GOLGA2: variants seen among roughly 807,000 people sequenced by gnomAD.
GOLGA2 encodes the protein golgin A2.
GOLGA2 carries 49 observed loss-of-function variants against 148.8 expected under a neutral mutation model. The ratio of observed to expected loss-of-function variants is 0.33; its 90% confidence interval spans 0.26 to 0.42. The LOEUF (loss-of-function observed/expected upper bound fraction) is 0.42, where lower values mean the gene tolerates loss of function less well. GOLGA2 is among the 10% of genes least tolerant of loss of function. The pLI is 1.00. For missense variants in GOLGA2, 1,178 were observed against 1,304.6 expected, an observed-to-expected ratio of 0.90 and a Z score of 1.49; for synonymous variants, 501 against 511.8, an observed-to-expected ratio of 0.98 and a Z score of 0.28.
Position 128,260,728 on chromosome 9 carries a change from G to A in GOLGA2, c.1495C>T (p.Leu499=), listed in dbSNP as rs780310243. ...GCCAGACCCTCCAGCTCCTTCCGCA[G>A]GTGCTCAGCCTCCGCTTGTAGCTGC... ...EQQLQAEAEH[L]RKELEGLAGQ... The change falls in exon 18 of 27, where the codon CTG becomes TTG. Residue 499 remains leucine (L), a synonymous_variant. Transcript: ENST00000611957. The surrounding 1 kb of genome is among the most constrained non-coding windows in gnomAD (Gnocchi z 4.8). 5 of 1,613,402 alleles carry A rather than the reference G, an allele frequency of 3.1e-6. No homozygotes were observed. The South Asian group carries it at 5.5e-5, about 18-fold the overall frequency.
At chr9:128,263,532 T>C (rs1427974667) in intron 12 of GOLGA2, among the ~76,000 whole-genome samples, 3 of 151,896 alleles carry the variant, frequency 2.0e-5, no homozygotes, top group Non-Finnish European at 4.4e-5. Context: ...ATTCTCCTGC[T>C]TCAGCCTCCT....
rs759403518 is a variant in GOLGA2, at chr9:128,268,011, C to T, written c.438-14G>A. 6.2e-7 allele frequency: 1 copy of T among 1,613,198 alleles called. No homozygotes were observed. The highest frequency in any genetic ancestry group is 8.5e-7 in the Non-Finnish European group (1 of 1,179,196). On this transcript the variant is annotated splice_polypyrimidine_tract_variant and intron_variant, in intron 5 of 26. Coordinates refer to ENST00000611957, the MANE Select transcript of GOLGA2 (RefSeq NM_001366244.2). ...GATGAGAAAGTCCTAGGGATGGAGACACAGGGGTCAGGGGTGCAGGTGGCT... is the reference window on the plus strand; with the variant it reads ...GATGAGAAAGTCCTAGGGATGGAGATACAGGGGTCAGGGGTGCAGGTGGCT...
In GOLGA2 at chr9:128,266,724, C is replaced by T. The variant is rs1434782751; in HGVS notation, c.643-399G>A. 2.8e-6 allele frequency: 1 copy of T among 358,894 alleles called. No individual in the cohort carries two copies. 22.2% of individuals were successfully genotyped at this position (358,894 alleles called of 1,614,324 possible). On this transcript the variant is annotated intron_variant, in intron 8 of 26. Coordinates refer to ENST00000611957, the MANE Select transcript of GOLGA2 (RefSeq NM_001366244.2). This position sits in a 1 kb window ranked among gnomAD's most constrained non-coding sequence, Gnocchi z 4.2. ...CCAGACAGAAAAAGACAGACAGGAG[C>T]CCTTGGCCCTGAGGTTTACATTCTA...
Position 128,257,888 on chromosome 9 carries a change from C to A in GOLGA2, c.2513G>T (p.Arg838Leu). 1 of 1,613,866 alleles carries A rather than the reference C, an allele frequency of 6.2e-7. No homozygotes were observed. Among genetic ancestry groups the A allele is most frequent in the Middle Eastern group, 1.6e-4 (1 of 6,062 alleles). Residue 838 changes from arginine (R) to leucine (L), a missense_variant, in exon 24 of 27, where the codon CGC (arginine) becomes CTC (leucine). Physicochemically the swap from Arg to Leu is moderately radical, Grantham distance 102. Coordinates refer to ENST00000611957, the MANE Select transcript of GOLGA2 (RefSeq NM_001366244.2). The surrounding 1 kb of genome is among the most constrained non-coding windows in gnomAD (Gnocchi z 8.0). ...CTTCTCCTGCATGAGCTCCATAAAG[C>A]GGCTCTGGAACCAAAATAATGGAGT... ...LQGAMEKLQS[R>L]FMELMQEKAD...
rs1830367728 is a variant in GOLGA2 at position 128,263,007 on chromosome 9, C to T, written c.992+27G>A. ...CCACCCATGCTGAGGGCCCCCAGACCTCCCATCCCACCATCCCCCATCCTA... is the reference window on the plus strand; with the variant it reads ...CCACCCATGCTGAGGGCCCCCAGACTTCCCATCCCACCATCCCCCATCCTA... On this transcript the variant is annotated intron_variant, in intron 13 of 26. Coordinates refer to ENST00000611957, the MANE Select transcript of GOLGA2 (RefSeq NM_001366244.2). 3.9e-6 allele frequency: 6 copies of T among 1,553,544 alleles called. No homozygotes were observed. The African/African-American group carries it at 5.4e-5, about 14-fold the overall frequency.
At position 128,257,848 on chromosome 9, in the gene GOLGA2, C is replaced by T. The variant is rs1829984904; in HGVS notation, c.2553G>A (p.Glu851=). Residue 851 remains glutamate (E), a synonymous_variant, in exon 24 of 27, where the codon GAG becomes GAA. Transcript: ENST00000611957. This position sits in a 1 kb window ranked among gnomAD's most constrained non-coding sequence, Gnocchi z 8.0. ...AGCGATGTTCCAGTTCCTCTACCCT[C>T]TCCTTCAGGTCTGCCTTCTCCTGCA... ...ELMQEKADLK[E]RVEELEHRCI... The T allele has an allele frequency of 3.1e-6, 5 of 1,614,206 alleles. No individual in the cohort carries two copies. Among genetic ancestry groups the T allele is most frequent in the Non-Finnish European group, 8.5e-7 (1 of 1,180,026 alleles).
intron 3 of GOLGA2, among the ~76,000 whole-genome samples, chr9:128,269,554 A>G (rs565067060): frequency 2.5e-4 from 38 of 152,108 alleles, no homozygotes; most frequent in Non-Finnish European, 4.6e-4. Flanking sequence ...CTTGCCCCCA[A>G]CTGGACCTAC....
At chr9:128,273,519 G>A (rs2131392235) in intron 2 of GOLGA2, 1 of 462,864 alleles carries the variant, frequency 2.2e-6, no homozygotes, top group African/African-American at 2.0e-5. Flanking sequence ...TGAGACTGGA[G>A]ATGAGGAAAA....
intron 12 of GOLGA2, 56 bp from the exon 13 acceptor site, chr9:128,263,148 A>G: frequency 1.0e-6 from 1 of 984,632 alleles, no homozygotes; most frequent in Non-Finnish European, 1.6e-6. Flanking sequence ...CAGCTGGCCA[A>G]CCAGTAACAA....
At position 128,258,201 on chromosome 9, in the gene GOLGA2, G is replaced by A. The variant is rs1380877795; in HGVS notation, c.2290-3C>T. 14 of 1,579,138 alleles carry A rather than the reference G, an allele frequency of 8.9e-6. No individual in the cohort carries two copies. Among genetic ancestry groups the A allele is most frequent in the Non-Finnish European group, 1.2e-5 (14 of 1,163,502 alleles). On this transcript the variant is annotated splice_polypyrimidine_tract_variant and splice_region_variant and intron_variant, in intron 22 of 26. Coordinates refer to ENST00000611957, the MANE Select transcript of GOLGA2 (RefSeq NM_001366244.2). This position sits in a 1 kb window ranked among gnomAD's most constrained non-coding sequence, Gnocchi z 6.6. ...ACAGCTGAGTTGAAAAATGCCACCT[G>A]CAGGCAAGAGGGGTGCATTCTTGTA...
Position 128,257,337 on chromosome 9 carries a change from G to A in GOLGA2, c.2875+32C>T, listed in dbSNP as rs763295640. ...GCCACGCGAGCCCTCCCTTACTCCT[G>A]CCTGCCCACCCCTCCCGAGGGCTCT... On this transcript the variant is annotated intron_variant, in intron 26 of 26. Coordinates refer to ENST00000611957, the MANE Select transcript of GOLGA2 (RefSeq NM_001366244.2). This position sits in a 1 kb window ranked among gnomAD's most constrained non-coding sequence, Gnocchi z 8.0. 17 of 1,612,794 alleles carry A rather than the reference G, an allele frequency of 1.1e-5. No homozygotes were observed. The highest frequency in any genetic ancestry group is 1.4e-5 in the Non-Finnish European group (16 of 1,179,856).
chr9:128,264,235 G>A (rs957110965), intron 12 of GOLGA2, among the ~76,000 whole-genome samples: 3 of 150,988 alleles, frequency 2.0e-5, no homozygotes, highest in African/African-American at 4.9e-5. Flanking sequence ...ACGTATGTAT[G>A]TATATATGTA....
intron 8 of GOLGA2, 22 bp downstream of exon 8, chr9:128,267,172 G>T (rs1267417371): frequency 2.1e-6 from 3 of 1,408,966 alleles, no homozygotes; most frequent in Non-Finnish European, 3.0e-6. Flanking sequence ...CATGGAATCA[G>T]GGGACCCCAC....
chr9:128,268,383 C>A, intron 4 of GOLGA2, 37 bp downstream of exon 4: 1 of 1,167,162 alleles, frequency 8.6e-7, no homozygotes, highest in Non-Finnish European at 1.3e-6. Flanking sequence ...ATAATAGGTA[C>A]AGGAGGGCAG....
chr9:128,261,310 C>T lies in GOLGA2; in HGVS notation c.1333-51G>A. ...CCCTGGAGAGGGGCTGGTGGCTGGA[C>T]AGGCTACCATCTCCCTCTGCCCCCA... On this transcript the variant is annotated intron_variant, in intron 16 of 26. Transcript: ENST00000611957. The surrounding 1 kb of genome is among the most constrained non-coding windows in gnomAD (Gnocchi z 5.7). The T allele has an allele frequency of 1.4e-6, 2 of 1,452,198 alleles. No homozygotes were observed. Among genetic ancestry groups the T allele is most frequent in the Non-Finnish European group, 1.9e-6 (2 of 1,033,240 alleles). The allele number at this position is 1,452,198 out of a possible 1,614,324, so 90.0% of individuals were successfully genotyped here.
intron 3 of GOLGA2, among the ~76,000 whole-genome samples, chr9:128,270,594 A>T (rs890979114): frequency 4.6e-5 from 7 of 152,096 alleles, no homozygotes; most frequent in Non-Finnish European, 8.8e-5. Context: ...TTCTCTCTCC[A>T]TTATTCCCTA....
At chr9:128,267,314 G>T (rs750349436) in intron 7 of GOLGA2, 40 bp from the exon 8 acceptor site, 16 of 1,474,410 alleles carry the variant, frequency 1.1e-5, no homozygotes, top group East Asian at 4.5e-5. Flanking sequence ...AGGAGGATTG[G>T]GGGGAGAGGT....
intron 7 of GOLGA2, 79 bp from the exon 8 acceptor site, chr9:128,267,353 T>G: frequency 3.8e-6 from 5 of 1,304,324 alleles, no homozygotes; most frequent in South Asian, 1.2e-5. Context: ...GGTTGGGGGG[T>G]GTGTGGGCTG....
In GOLGA2 at chr9:128,266,624, T is replaced by G. The variant is rs932171054; in HGVS notation, c.643-299A>C. 1.3e-5 allele frequency: 7 copies of G among 521,340 alleles called. No homozygotes were observed. The highest frequency in any genetic ancestry group is 2.4e-5 in the Non-Finnish European group (7 of 292,790). The allele number at this position is 521,340 out of a possible 1,614,324, so 32.3% of individuals were successfully genotyped here. ...AGCCCACCCTCTGCCAGTTTGTGAT[T>G]TAGAAAGGTGTAATCATTCAACAAA... is the stretch of plus-strand genomic sequence containing the variant. On this transcript the variant is annotated intron_variant, in intron 8 of 26. Coordinates refer to ENST00000611957, the MANE Select transcript of GOLGA2 (RefSeq NM_001366244.2). The surrounding 1 kb of genome is among the most constrained non-coding windows in gnomAD (Gnocchi z 4.2).
Sources: gnomAD v4.1 joint callset for allele counts (sites outside exome capture counted in the v4.1 genomes callset) on GRCh38, gnomAD v4.1.1 for gene constraint, Gnocchi (gnomAD v3.1) non-coding constraint, MANE v1.5 for transcripts, NCBI Gene and HGNC (gene_info 2026-07-23, HGNC 2026-07-21) for gene names.